Variants in E4F1 observed in about 807,000 individuals in gnomAD.
E4F1 encodes E4F transcription factor 1.
A neutral mutation model predicts 72.9 loss-of-function variants in E4F1; 30 were observed. The observed-to-expected ratio is 0.41, with a 90% CI of 0.31 to 0.56. The LOEUF (loss-of-function observed/expected upper bound fraction) is 0.56. Ranked by LOEUF, E4F1 falls within the 20% of genes least tolerant of loss-of-function variation. The pLI, the probability that E4F1 is intolerant of heterozygous loss-of-function variation, is 0.25. For synonymous variants in E4F1, 542 were observed against 478.2 expected (o/e 1.13, Z -1.74); for missense variants, 1,091 against 1,117.5 (o/e 0.98, Z 0.34).
At chr16:2,225,953 C>T (rs1163787215) in intron 1 of E4F1, among the ~76,000 whole-genome samples, 4 of 152,008 alleles carry the variant, frequency 2.6e-5, no homozygotes, top group African/African-American at 4.8e-5. Flanking sequence ...ATTAGCTGGC[C>T]GTGGTGGCAG....
At chr16:2,231,875 G>A in intron 3 of E4F1, 1 of 395,136 alleles carries the variant, frequency 2.5e-6, no homozygotes, top group Non-Finnish European at 4.6e-6. Context: ...CGTCCTCCTG[G>A]CTTTGGGGAT....
intron 3 of E4F1, chr16:2,230,051 G>T: frequency 3.7e-6 from 1 of 269,774 alleles, no homozygotes; most frequent in South Asian, 3.9e-5. Context: ...CACCAGAATG[G>T]CCCACTCGCC....
Position 2,235,601 on chromosome 16 carries a change from A to T in E4F1, c.*29A>T. ...GAGGTCTGCGGGGTCCTGGCCGGGC[A>T]GGGACAGGGCAGAGGACTCTGAGCG... On this transcript the variant is annotated 3_prime_UTR_variant, in exon 14 of 14. Transcript: ENST00000301727. The T allele has an allele frequency of 3.2e-6, 5 of 1,548,940 alleles. No individual in the cohort carries two copies. The highest frequency in any genetic ancestry group is 4.4e-6 in the Non-Finnish European group (5 of 1,142,870).
Position 2,233,085 on chromosome 16 carries a change from G to A in E4F1, c.958G>A (p.Val320Met), listed in dbSNP as rs761819706. 11 of 1,612,704 alleles carry A rather than the reference G, an allele frequency of 6.8e-6. No individual in the cohort carries two copies. The highest frequency in any genetic ancestry group is 4.4e-5 in the South Asian group (4 of 91,072). ...AGGCGAGCCTATAGAGACTTCACCCGTGATTCACCTGGTGACAGATGCCAA... is the reference window on the plus strand; with the variant it reads ...AGGCGAGCCTATAGAGACTTCACCCATGATTCACCTGGTGACAGATGCCAA... ...VTGEPIETSP[V>M]IHLVTDAKGT... Residue 320 changes from valine to methionine, a missense_variant, in exon 7 of 14, where the codon GTG (valine) becomes ATG (methionine). By Grantham distance (21) the Val-to-Met change is conservative (BLOSUM62 1). This residue lies in a region of E4F1 where 101 missense variants were observed against 97.4 expected (regional missense o/e 1.04). Coordinates refer to ENST00000301727, the MANE Select transcript of E4F1 (RefSeq NM_004424.5).
rs141145527 is a variant in E4F1, at chr16:2,233,534, G to C, written c.1153G>C (p.Ala385Pro). The C allele has an allele frequency of 6.6e-7, 1 of 1,520,324 alleles. No homozygotes were observed. The highest frequency in any genetic ancestry group is 2.0e-5 in the Admixed American group (1 of 48,858). The allele number at this position is 1,520,324 out of a possible 1,614,324, so 94.2% of individuals were successfully genotyped here. The stretch of plus-strand genomic sequence containing the variant: ...GAACTCCGGCATCGTCCTTGAGCGC[G>C]CTGCTGGGGAGGAGGGTGCCCTGGA... ...MQNSGIVLER[A>P]AGEEGALEPA... The change falls in exon 8 of 14, where the codon GCT becomes CCT. Residue 385 changes from alanine (A) to proline (P), a missense_variant. This residue lies in a region of E4F1 where 622 missense variants were observed against 628.0 expected (regional missense o/e 0.99). Coordinates refer to ENST00000301727, the MANE Select transcript of E4F1 (RefSeq NM_004424.5).
At chr16:2,228,936 C>A (rs1227161368) in intron 2 of E4F1, among the ~76,000 whole-genome samples, 1 of 152,210 alleles carries the variant, frequency 6.6e-6, no homozygotes, top group African/African-American at 2.4e-5. Context: ...AAATGGCCAC[C>A]TTTGCTGAGC....
At position 2,224,033 on chromosome 16, in the gene E4F1, G is replaced by C. The variant is rs920838550; in HGVS notation, c.157+263G>C. On this transcript the variant is annotated intron_variant, in intron 1 of 13. Transcript: ENST00000301727. Reference sequence around the variant, plus strand: ...CGGGTTGCTGAGCCCCCGGGCGCCCGGTGTAGACATTCGCAGACGCCGGCG... The same window carrying C: ...CGGGTTGCTGAGCCCCCGGGCGCCCCGTGTAGACATTCGCAGACGCCGGCG... 3.7e-6 allele frequency: 5 copies of C among 1,338,980 alleles called. No individual in the cohort carries two copies. The African/African-American group carries it at 6.2e-5, about 17-fold the overall frequency. The allele number at this position is 1,338,980 out of a possible 1,614,324, so 82.9% of individuals were successfully genotyped here. A position where few individuals can be genotyped will look rare whatever the true frequency, so the allele number is the denominator to read the frequency against.
chr16:2,233,781 G>A, intron 8 of E4F1, 101 bp from the exon 9 acceptor site: 2 of 1,418,818 alleles, frequency 1.4e-6, no homozygotes, highest in East Asian at 2.5e-5. Context: ...CTTCCCTGGG[G>A]CCACAAGGGA....
In E4F1 at chr16:2,234,255, G is replaced by C. The variant is rs772750611; in HGVS notation, c.1460G>C (p.Arg487Pro). 11 of 1,612,780 alleles carry C rather than the reference G, an allele frequency of 6.8e-6. No homozygotes were observed. The African/African-American group carries it at 1.2e-4, about 18-fold the overall frequency. Residue 487 changes from arginine to proline, a missense_variant, in exon 10 of 14, where the codon CGT (arginine) becomes CCT (proline). Physicochemically the swap from Arg to Pro is moderately radical, Grantham distance 103 (BLOSUM62 -2). Transcript: ENST00000301727. Reference sequence around the variant, plus strand: ...AAGAAGCACCAGGAGGTGCACGTGCGTGAGCGCCGCTTCCGCTGTGGCGAC... The same window carrying C: ...AAGAAGCACCAGGAGGTGCACGTGCCTGAGCGCCGCTTCCGCTGTGGCGAC... Reference protein sequence around the residue: ...LLKKHQEVHVRERRFRCGDCG... With the variant: ...LLKKHQEVHVPERRFRCGDCG...
chr16:2,233,863 C>A lies in E4F1; in HGVS notation c.1267-19C>A. 3 of 1,565,246 alleles carry A rather than the reference C, an allele frequency of 1.9e-6. No individual in the cohort carries two copies. Among genetic ancestry groups the A allele is most frequent in the Non-Finnish European group, 2.6e-6 (3 of 1,154,552 alleles). On this transcript the variant is annotated intron_variant, in intron 8 of 13. Transcript: ENST00000301727. ...CACAGCCTGCCCCGGGTGCTGGAGA[C>A]CTTCCTGTGGTTCCCCAGCAGGTGG...
intron 1 of E4F1, among the ~76,000 whole-genome samples, chr16:2,225,755 C>A (rs545712149): frequency 2.8e-5 from 4 of 144,982 alleles, no homozygotes; most frequent in Admixed American, 2.1e-4. Context: ...TACAGTCGTG[C>A]GCCACCGTGC....
chr16:2,224,535 A>T (rs939638312), intron 1 of E4F1, among the ~76,000 whole-genome samples: 7 of 152,238 alleles, frequency 4.6e-5, no homozygotes, highest in African/African-American at 1.7e-4. Context: ...CACGCCTGTA[A>T]TCCCAGCACT....
intron 4 of E4F1, 26 bp downstream of exon 4, chr16:2,232,390 G>A (rs1567301784): frequency 1.2e-6 from 2 of 1,602,518 alleles, no homozygotes; most frequent in Non-Finnish European, 1.7e-6. Context: ...GGGAGCCAGT[G>A]TGTGGGTGGC....
intron 1 of E4F1, chr16:2,228,167 C>T (rs534812287): frequency 8.2e-5 from 55 of 670,952 alleles, no homozygotes; most frequent in Non-Finnish European, 1.3e-4. Flanking sequence ...TGGGTCTGGC[C>T]CCTGCAGACC....
intron 2 of E4F1, 47 bp downstream of exon 2, chr16:2,228,570 G>A: frequency 6.3e-7 from 1 of 1,589,738 alleles, no homozygotes; most frequent in Non-Finnish European, 8.6e-7. Context: ...TCACCTGACA[G>A]GTGGGGGAGG....
At position 2,223,685 on chromosome 16, in the gene E4F1, A is replaced by G. The variant is rs752392892; in HGVS notation, c.72A>G (p.Glu24=). 423 of 1,578,870 alleles carry G rather than the reference A, an allele frequency of 2.7e-4. 1 individual carries two copies. Among genetic ancestry groups the G allele is most frequent in the East Asian group, 2.6e-4 (11 of 41,526 alleles). ...TAEAQAEAGR[E]AGEGAVAAVA... is the part of the protein sequence containing the mutation. ...AAGCCCAGGCCGAAGCCGGGCGGGA[A>G]GCGGGCGAGGGTGCAGTTGCGGCGG... Residue 24 remains glutamate (E), a synonymous_variant, in exon 1 of 14, where the codon GAA becomes GAG. Coordinates refer to ENST00000301727, the MANE Select transcript of E4F1 (RefSeq NM_004424.5).
At chr16:2,232,723 G>A (rs2141464601) in intron 5 of E4F1, 33 bp from the exon 6 acceptor site, 2 of 1,611,334 alleles carry the variant, frequency 1.2e-6, no homozygotes, top group East Asian at 2.2e-5. Flanking sequence ...AGCCTGCTGG[G>A]GCTGCCCGGG....
At chr16:2,231,506 A>C (rs1319686435) in intron 3 of E4F1, 5 of 152,398 alleles carry the variant, frequency 3.3e-5, no homozygotes, top group Non-Finnish European at 4.4e-5. Context: ...GTGGCTTCAC[A>C]GCTGTTTCCC....
Position 2,229,786 on chromosome 16 carries a change from G to C in E4F1, c.415+111G>C, listed in dbSNP as rs981083139. On this transcript the variant is annotated intron_variant, in intron 3 of 13. Transcript: ENST00000301727. ...CTCTCCCGAGACCAGGGCCTGGCTG[G>C]GAGGGGCCGCGGCCTCGTGGCAGCC... 56 of 1,244,320 alleles carry C rather than the reference G, an allele frequency of 4.5e-5. No individual in the cohort carries two copies. In the African/African-American group the frequency reaches 7.5e-4, roughly 17 times the overall value. 77.1% of individuals were successfully genotyped at this position (1,244,320 alleles called of 1,614,324 possible). A position where few individuals can be genotyped will look rare whatever the true frequency, so the allele number is the denominator to read the frequency against.
Sources: gnomAD v4.1 joint callset for allele counts (sites outside exome capture counted in the v4.1 genomes callset) on GRCh38, gnomAD v4.1.1 for gene constraint, gnomAD v4.1.1 regional missense constraint, MANE v1.5 for transcripts, NCBI Gene and HGNC (gene_info 2026-07-23, HGNC 2026-07-21) for gene names.